Variants in RFX4 observed in about 807,000 individuals in gnomAD.
RFX4 encodes the protein regulatory factor X4.
A neutral mutation model predicts 95.0 loss-of-function variants in RFX4; 10 were observed. The ratio of observed to expected loss-of-function variants is 0.11; its 90% CI spans 0.06 to 0.18. RFX4 has a LOEUF of 0.18. Among genes scored for constraint, RFX4 ranks in the 10% least tolerant of loss-of-function variants. The pLI is 1.00. For synonymous variants in RFX4, 321 were observed against 340.7 expected, an observed-to-expected ratio of 0.94 and a Z score of 0.64; for missense variants, 640 against 922.0, an observed-to-expected ratio of 0.69 and a Z score of 3.96.
At chr12:106,666,564 A>G (rs1481626141) in intron 4 of RFX4, among the ~76,000 whole-genome samples, 1 of 151,552 alleles carries the variant, frequency 6.6e-6, no homozygotes, top group Non-Finnish European at 1.5e-5. Flanking sequence ...CATCTTTTGT[A>G]ATTGCCCCCT....
At chr12:106,608,472 A>G (rs1665280641) in intron 1 of RFX4, among the ~76,000 whole-genome samples, 1 of 152,192 alleles carries the variant, frequency 6.6e-6, no homozygotes, top group Admixed American at 6.5e-5. Context: ...TCAGGAACAT[A>G]CCTTCTTTGC....
chr12:106,735,724 A>G (rs1388164805), intron 15 of RFX4, among the ~76,000 whole-genome samples: 1 of 152,098 alleles, frequency 6.6e-6, no homozygotes. Context: ...AGGACATTTT[A>G]TGTGCCAAGT....
At chr12:106,596,569 C>T (rs532911086) in intron 1 of RFX4, among the ~76,000 whole-genome samples, 1 of 152,330 alleles carries the variant, frequency 6.6e-6, no homozygotes, top group African/African-American at 2.4e-5. Flanking sequence ...AAGGATCATT[C>T]ATTCCCATTG....
rs765365751 is a variant in RFX4 at position 106,732,193 on chromosome 12, A to G, written c.1415A>G (p.His472Arg). Residue 472 changes from histidine (H) to arginine (R), a missense_variant, in exon 14 of 18, where the codon CAC (histidine) becomes CGC (arginine). His to Arg is a conservative substitution (Grantham distance 29). This residue lies in a region of RFX4 where 300 missense variants were observed against 346.8 expected (regional missense o/e 0.87). Coordinates refer to ENST00000392842, the MANE Select transcript of RFX4 (RefSeq NM_213594.3). ...DYVLYLLESL[H>R]CQERANELMR... is the part of the protein sequence containing the mutation. Reference sequence around the variant, plus strand: ...GTGCTCTACCTGTTAGAATCTCTGCACTGTCAGGAGCGGGCCAATGAGCTC... The same window carrying G: ...GTGCTCTACCTGTTAGAATCTCTGCGCTGTCAGGAGCGGGCCAATGAGCTC... 34 of 1,613,934 alleles carry G rather than the reference A, an allele frequency of 2.1e-5. No individual in the cohort carries two copies. Among genetic ancestry groups the G allele is most frequent in the Non-Finnish European group, 2.8e-5 (33 of 1,179,946 alleles).
chr12:106,680,190 A>T (rs1306673175), intron 4 of RFX4, among the ~76,000 whole-genome samples: 1 of 152,200 alleles, frequency 6.6e-6, no homozygotes, highest in African/African-American at 2.4e-5. Flanking sequence ...TGTGAGGTGC[A>T]TCTTTTTGTC....
At chr12:106,707,277 G>T (rs935943457) in intron 8 of RFX4, among the ~76,000 whole-genome samples, 1 of 152,286 alleles carries the variant, frequency 6.6e-6, no homozygotes, top group Non-Finnish European at 1.5e-5. Flanking sequence ...GAAATCACAA[G>T]TTCAACTTGG....
chr12:106,748,063 A>C (rs1270708391), intron 16 of RFX4, among the ~76,000 whole-genome samples: 2 of 152,042 alleles, frequency 1.3e-5, no homozygotes, highest in East Asian at 3.9e-4. Flanking sequence ...TGTAATCCCC[A>C]CAACAACCAG....
chr12:106,757,326 C>T (rs1489255664), intron 17 of RFX4, among the ~76,000 whole-genome samples: 1 of 152,018 alleles, frequency 6.6e-6, no homozygotes, highest in African/African-American at 2.4e-5. Context: ...AGTGGGATGA[C>T]CGTTTGAGCC....
At chr12:106,603,910 T>A (rs959825158) in intron 1 of RFX4, among the ~76,000 whole-genome samples, 3 of 152,292 alleles carry the variant, frequency 2.0e-5, no homozygotes, top group Middle Eastern at 3.4e-3. Context: ...AGGAGCTTAA[T>A]AAAGTTTTTA....
chr12:106,592,029 A>G (rs1046468628), intron 1 of RFX4, among the ~76,000 whole-genome samples: 7 of 152,216 alleles, frequency 4.6e-5, no homozygotes, highest in Non-Finnish European at 1.0e-4. Context: ...TACTCACTAC[A>G]TTCTAGGATG....
chr12:106,615,224 C>G (rs971347524), intron 2 of RFX4, among the ~76,000 whole-genome samples: 14 of 152,046 alleles, frequency 9.2e-5, no homozygotes, highest in African/African-American at 3.4e-4. Context: ...AGCACGATTT[C>G]TTGAAAAGGT....
intron 7 of RFX4, among the ~76,000 whole-genome samples, chr12:106,695,245 C>CAG (rs10626710): frequency 0.37 from 56,863 of 151,804 alleles, 10,739 homozygotes; most frequent in African/African-American, 0.42. Flanking sequence ...TATAAAAATT[C>CAG]AGTTATGTGT....
intron 2 of RFX4, among the ~76,000 whole-genome samples, chr12:106,619,240 A>G (rs2040131794): frequency 6.6e-6 from 1 of 152,162 alleles, no homozygotes; most frequent in African/African-American, 2.4e-5. Flanking sequence ...TTTAACTCAG[A>G]TAAATTCCTT....
Position 106,733,088 on chromosome 12 carries a change from A to G in RFX4, c.1633+3A>G. 1 of 1,613,886 alleles carries G rather than the reference A, an allele frequency of 6.2e-7. No individual in the cohort carries two copies. The highest frequency in any genetic ancestry group is 8.5e-7 in the Non-Finnish European group (1 of 1,179,840). ...GTACACTGGCCTCAGCACTACAGGT[A>G]ATGGAAAGTCCTTCAAAAACTTTGG... On this transcript the variant is annotated splice_donor_region_variant and intron_variant, in intron 15 of 17. Coordinates refer to ENST00000392842, the MANE Select transcript of RFX4 (RefSeq NM_213594.3).
chr12:106,677,973 A>G (rs565535766), intron 4 of RFX4, among the ~76,000 whole-genome samples: 2 of 152,282 alleles, frequency 1.3e-5, no homozygotes, highest in Non-Finnish European at 2.9e-5. Flanking sequence ...GTGGAGATTG[A>G]TGCTGGTCAC....
chr12:106,687,145 TTCTC>T lies in RFX4; in HGVS notation c.591+60_591+63del, dbSNP rs143494071. The T allele has an allele frequency of 4.5e-5, 57 of 1,277,432 alleles. 1 individual carries two copies. The highest frequency in any genetic ancestry group is 6.6e-5 in the South Asian group (5 of 76,226). The allele number at this position is 1,277,432 out of a possible 1,614,324, so 79.1% of individuals were successfully genotyped here. ...TTTGGGGTGGGTGGTTTCTCTCTCT[TTCTC>T]TCTCTCTCTCTGTCTCTATCTCTCT... On this transcript the variant is annotated intron_variant, in intron 6 of 17. Coordinates refer to ENST00000392842, the MANE Select transcript of RFX4 (RefSeq NM_213594.3).
intron 1 of RFX4, among the ~76,000 whole-genome samples, chr12:106,600,403 G>A (rs550530869): frequency 6.6e-6 from 1 of 150,618 alleles, no homozygotes; most frequent in South Asian, 2.1e-4. Context: ...TTTCTCTCGC[G>A]TGGCACTCTT....
intron 1 of RFX4, among the ~76,000 whole-genome samples, chr12:106,594,461 G>C (rs1179471253): frequency 1.3e-5 from 2 of 152,170 alleles, no homozygotes; most frequent in Non-Finnish European, 2.9e-5. Flanking sequence ...TCTAATCAAG[G>C]CTGCGTTTTA....
chr12:106,744,022 A>G (rs1048576444), intron 15 of RFX4, among the ~76,000 whole-genome samples: 3 of 152,234 alleles, frequency 2.0e-5, no homozygotes, highest in Non-Finnish European at 4.4e-5. Context: ...ATAAGGGAAA[A>G]CACTGTAAAA....
Sources: gnomAD v4.1 joint callset for allele counts (sites outside exome capture counted in the v4.1 genomes callset) on GRCh38, gnomAD v4.1.1 for gene constraint, gnomAD v4.1.1 regional missense constraint, MANE v1.5 for transcripts, NCBI Gene and HGNC (gene_info 2026-07-23, HGNC 2026-07-21) for gene names.